The following CSRNP3 variants were observed in gnomAD, a reference collection of about 807,000 sequenced individuals.
The protein encoded by CSRNP3 is cysteine and serine rich nuclear protein 3.
A neutral mutation model predicts 48.0 loss-of-function variants in CSRNP3; 12 were observed. The observed-to-expected ratio is 0.25, with a 90% confidence interval of 0.16 to 0.41. The LOEUF (loss-of-function observed/expected upper bound fraction) is 0.41, where lower values mean the gene tolerates loss of function less well. Among genes scored for constraint, CSRNP3 ranks in the 10% least tolerant of loss-of-function variants. CSRNP3 has a pLI of 1.00. For synonymous variants in CSRNP3, 263 were observed against 269.7 expected, an observed-to-expected ratio of 0.98 and a Z score of 0.24; for missense variants, 580 against 724.4, an observed-to-expected ratio of 0.80 and a Z score of 2.29.
intron 3 of CSRNP3, among the ~76,000 whole-genome samples, chr2:165,579,838 A>T (rs1167509709): frequency 6.6e-6 from 1 of 151,796 alleles, no homozygotes; most frequent in Non-Finnish European, 1.5e-5. Context: ...AATTATTTTA[A>T]TAGTAGCATA....
chr2:165,510,131 G>A (rs1684482208), intron 2 of CSRNP3, among the ~76,000 whole-genome samples: 1 of 152,150 alleles, frequency 6.6e-6, no homozygotes, highest in Admixed American at 6.6e-5. Context: ...GGTTGAGATA[G>A]TGTCTGCAAG....
rs1348766008 is a variant in CSRNP3, at chr2:165,521,173, C to CAAAAAAA, written c.-24+3217_-24+3223dup. ...CTTGTGTTGTCTGTTATGGGAAAGC[C>CAAAAAAA]AAAAAAAAAAAGAAAAAGAAAATTA... On this transcript the variant is annotated intron_variant, in intron 3 of 6. Transcript: ENST00000651982. 5.7e-4 allele frequency among the ~76,000 whole-genome samples: 78 copies of CAAAAAAA among 135,656 alleles called. 3 individuals carry two copies. Among genetic ancestry groups the CAAAAAAA allele is most frequent in the South Asian group, 2.2e-3 (9 of 4,178 alleles). The allele number at this position is 135,656 out of a possible 152,430, so 89.0% of individuals were successfully genotyped here.
At position 165,678,974 on chromosome 2, in the gene CSRNP3, G is replaced by C; in HGVS notation, c.979G>C (p.Val327Leu). ...GATTGAAACTGAGCCCCAGGCTGCA[G>C]TGCTGCACCTGCAGTCGGCTGAAGA... ...FEIETEPQAA[V>L]LHLQSAEELD... Residue 327 changes from valine to leucine, a missense_variant, in exon 7 of 7, where the codon GTG becomes CTG. Val to Leu is a conservative substitution (Grantham distance 32, BLOSUM62 1). Transcript: ENST00000651982. 6.2e-7 allele frequency: 1 copy of C among 1,614,052 alleles called. No homozygotes were observed. The highest frequency in any genetic ancestry group is 8.5e-7 in the Non-Finnish European group (1 of 1,179,996).
chr2:165,593,080 C>T (rs988173566), intron 3 of CSRNP3, among the ~76,000 whole-genome samples: 2 of 152,118 alleles, frequency 1.3e-5, no homozygotes, highest in Admixed American at 1.3e-4. Context: ...GGATTACAGG[C>T]GTGAGCCACC....
chr2:165,497,075 C>T (rs1684292595), intron 2 of CSRNP3, among the ~76,000 whole-genome samples: 1 of 151,958 alleles, frequency 6.6e-6, no homozygotes, highest in African/African-American at 2.4e-5. Flanking sequence ...TGAACAGTTT[C>T]CTGGAAGGTT....
At chr2:165,526,485 A>T (rs563913300) in intron 3 of CSRNP3, among the ~76,000 whole-genome samples, 1 of 152,226 alleles carries the variant, frequency 6.6e-6, no homozygotes, top group Non-Finnish European at 1.5e-5. Flanking sequence ...AAAAGTTCTG[A>T]TGACCTCTAA....
rs746606816 is a variant in CSRNP3 at position 165,529,678 on chromosome 2, G to A, written c.-24+11717G>A. Among the ~76,000 whole-genome samples, 105 of 152,090 alleles carry A rather than the reference G, an allele frequency of 6.9e-4. 1 individual carries two copies. The highest frequency in any genetic ancestry group is 2.0e-4 in the Admixed American group (3 of 15,270). ...CTCTTTTTTTCAAACCGGCGTGGAT[G>A]TATGATTTAAAATTTAAAATGCTGG... On this transcript the variant is annotated intron_variant, in intron 3 of 6. Coordinates refer to ENST00000651982, the MANE Select transcript of CSRNP3 (RefSeq NM_001172173.2).
intron 2 of CSRNP3, among the ~76,000 whole-genome samples, chr2:165,512,455 T>A (rs1684520965): frequency 6.6e-6 from 1 of 152,216 alleles, no homozygotes; most frequent in Non-Finnish European, 1.5e-5. Context: ...GTTTGCACAT[T>A]TTTGAACACG....
At chr2:165,564,145 T>C (rs1322089642) in intron 3 of CSRNP3, among the ~76,000 whole-genome samples, 1 of 152,030 alleles carries the variant, frequency 6.6e-6, no homozygotes, top group Non-Finnish European at 1.5e-5. Flanking sequence ...TACAGAAAAT[T>C]TTCAAAGAAA....
At chr2:165,492,724 TAAAAAAAAAAAAA>T (rs11304265) in intron 1 of CSRNP3, among the ~76,000 whole-genome samples, 1 of 110,182 alleles carries the variant, frequency 9.1e-6, no homozygotes, top group Non-Finnish European at 1.8e-5. Context: ...ACTATTAGAG[TAAAAAAAAAAAAA>T]AAAAAAAAGA....
Position 165,679,210 on chromosome 2 carries a change from T to C in CSRNP3, c.1215T>C (p.Pro405=), listed in dbSNP as rs369378565. The change falls in exon 7 of 7, where the codon CCT becomes CCC. Residue 405 remains proline, a synonymous_variant. Coordinates refer to ENST00000651982, the MANE Select transcript of CSRNP3 (RefSeq NM_001172173.2). ...EGLGTHAEVV[P]LPSVLCYSDG... The stretch of plus-strand genomic sequence containing the variant: ...TGGGCACCCATGCCGAAGTTGTCCC[T>C]CTTCCTTCAGTTCTTTGTTATTCTG... 116 of 1,613,846 alleles carry C rather than the reference T, an allele frequency of 7.2e-5. No individual in the cohort carries two copies. Among genetic ancestry groups the C allele is most frequent in the Non-Finnish European group, 9.4e-5 (111 of 1,179,996 alleles).
chr2:165,618,207 G>T (rs986421505), intron 4 of CSRNP3, among the ~76,000 whole-genome samples: 2 of 152,154 alleles, frequency 1.3e-5, no homozygotes, highest in Non-Finnish European at 2.9e-5. Flanking sequence ...GTTTACTGAG[G>T]ATCTCTCACT....
At chr2:165,590,415 C>T (rs184384232) in intron 3 of CSRNP3, among the ~76,000 whole-genome samples, 21 of 152,230 alleles carry the variant, frequency 1.4e-4, no homozygotes, top group African/African-American at 4.8e-4. Context: ...TCTTTTGTAT[C>T]CCCTATTCCA....
intron 4 of CSRNP3, among the ~76,000 whole-genome samples, chr2:165,648,801 G>A (rs377699357): frequency 2.0e-5 from 3 of 152,168 alleles, no homozygotes; most frequent in Non-Finnish European, 4.4e-5. Context: ...AGGCTGGAAG[G>A]TCAAAGTGTG....
intron 5 of CSRNP3, among the ~76,000 whole-genome samples, chr2:165,664,865 C>G (rs1218371480): frequency 1.3e-5 from 2 of 152,002 alleles, no homozygotes; most frequent in African/African-American, 2.4e-5. Context: ...AATAAATAAG[C>G]TAAACTAAAC....
intron 4 of CSRNP3, among the ~76,000 whole-genome samples, chr2:165,621,996 G>A (rs1282401292): frequency 6.6e-6 from 1 of 152,110 alleles, no homozygotes; most frequent in Non-Finnish European, 1.5e-5. Flanking sequence ...ACAAATGGCA[G>A]GCAGAGCTTT....
chr2:165,617,666 G>A (rs1394128779), intron 4 of CSRNP3, among the ~76,000 whole-genome samples: 1 of 152,210 alleles, frequency 6.6e-6, no homozygotes, highest in Admixed American at 6.5e-5. Context: ...TTTCCTCTCC[G>A]TAGATGATAC....
chr2:165,628,240 A>G (rs1686471660), intron 4 of CSRNP3, among the ~76,000 whole-genome samples: 1 of 152,102 alleles, frequency 6.6e-6, no homozygotes, highest in Non-Finnish European at 1.5e-5. Flanking sequence ...AACCCCTACT[A>G]CAAACATACT....
At chr2:165,670,553 A>C (rs1687311315) in intron 5 of CSRNP3, among the ~76,000 whole-genome samples, 1 of 152,210 alleles carries the variant, frequency 6.6e-6, no homozygotes, top group Non-Finnish European at 1.5e-5. Context: ...CATTACTTGC[A>C]ATCTTGGGCA....
Sources: gnomAD v4.1 joint callset for allele counts (sites outside exome capture counted in the v4.1 genomes callset) on GRCh38, gnomAD v4.1.1 for gene constraint, MANE v1.5 for transcripts, NCBI Gene and HGNC (gene_info 2026-07-23, HGNC 2026-07-21) for gene names.